DMD: variants seen among roughly 807,000 people sequenced by gnomAD.
DMD encodes mutant dystrophin.
Under a neutral mutation model 330.1 loss-of-function variants are expected in DMD, and 63 were observed. The observed-to-expected ratio is 0.19, with a 90% confidence interval of 0.16 to 0.24. DMD has a LOEUF of 0.24. DMD is among the 10% of genes least tolerant of loss of function. DMD has a pLI of 1.00. For synonymous variants in DMD, 1,223 were observed against 959.8 expected, an observed-to-expected ratio of 1.27 and a Z score of -5.07; for missense variants, 3,344 against 2,684.1, an observed-to-expected ratio of 1.25 and a Z score of -5.43.
intron 16 of DMD, among the ~76,000 whole-genome samples, chrX:32,563,417 C>T (rs2051298961): frequency 9.4e-6 from 1 of 106,325 alleles, no homozygotes; most frequent in South Asian, 4.4e-4. Flanking sequence ...ACATGACTTA[C>T]ATATCAAACT....
intron 15 of DMD, among the ~76,000 whole-genome samples, chrX:32,571,760 C>T (rs1196980016): frequency 1.8e-5 from 2 of 111,463 alleles, no homozygotes; most frequent in Non-Finnish European, 1.9e-5. Flanking sequence ...CCTGTTAGGG[C>T]TAATAACCCT....
intron 60 of DMD, among the ~76,000 whole-genome samples, chrX:31,407,889 C>T (rs2061475041): frequency 9.0e-6 from 1 of 111,441 alleles, no homozygotes; most frequent in South Asian, 3.7e-4. Flanking sequence ...CCTGTTCTCT[C>T]TCTTGACTTT....
At chrX:32,846,002 G>A (rs2080626677) in intron 3 of DMD, among the ~76,000 whole-genome samples, 1 of 111,660 alleles carries the variant, frequency 9.0e-6, no homozygotes, top group South Asian at 3.8e-4. Flanking sequence ...CTTGTCCAGG[G>A]CACTACTTAT....
intron 2 of DMD, among the ~76,000 whole-genome samples, chrX:32,988,529 G>T (rs1046622061): frequency 2.7e-5 from 3 of 112,252 alleles, no homozygotes; most frequent in African/African-American, 9.7e-5. Flanking sequence ...CAGGCTGTCA[G>T]GCCAGCCACA....
chrX:32,956,956 T>C (rs1291892890), intron 2 of DMD, among the ~76,000 whole-genome samples: 3 of 112,050 alleles, frequency 2.7e-5, no homozygotes, highest in Non-Finnish European at 5.6e-5. Flanking sequence ...TCCTTTCTTC[T>C]CATCATAATA....
intron 57 of DMD, among the ~76,000 whole-genome samples, chrX:31,494,027 C>T (rs2069576753): frequency 1.8e-5 from 2 of 108,834 alleles, no homozygotes; most frequent in South Asian, 8.2e-4. Flanking sequence ...CATGGTGGCG[C>T]GTGCCTGTAG....
At chrX:32,591,997 C>A (rs808553) in intron 13 of DMD, among the ~76,000 whole-genome samples, 1 of 111,410 alleles carries the variant, frequency 9.0e-6, no homozygotes, top group East Asian at 2.9e-4. Flanking sequence ...TGCTGCCTTG[C>A]GCCCGTCTGG....
At chrX:32,764,842 A>G (rs1299550771) in intron 7 of DMD, among the ~76,000 whole-genome samples, 4 of 111,056 alleles carry the variant, frequency 3.6e-5, no homozygotes, top group African/African-American at 9.8e-5. Flanking sequence ...TCTACGTTCT[A>G]TATTTTGAGA....
At chrX:32,673,879 C>A (rs2061792499) in intron 9 of DMD, among the ~76,000 whole-genome samples, 1 of 111,764 alleles carries the variant, frequency 8.9e-6, no homozygotes, top group Non-Finnish European at 1.9e-5. Context: ...GTTACTGGGT[C>A]ATGGAATTGA....
At chrX:33,177,554 T>G (rs1468690174) in intron 1 of DMD, among the ~76,000 whole-genome samples, 1 of 110,335 alleles carries the variant, frequency 9.1e-6, no homozygotes, top group African/African-American at 3.3e-5. Context: ...CCGACTAATT[T>G]TTTGTATTTT....
At chrX:33,102,324 T>G (rs1035498776) in intron 1 of DMD, among the ~76,000 whole-genome samples, 3 of 109,880 alleles carry the variant, frequency 2.7e-5, no homozygotes, top group African/African-American at 6.6e-5. Flanking sequence ...TTGTTTTTTT[T>G]TTTTTTTAAG....
At chrX:32,301,070 G>A in intron 42 of DMD, among the ~76,000 whole-genome samples, 1 of 109,495 alleles carries the variant, frequency 9.1e-6, no homozygotes, top group Non-Finnish European at 1.9e-5. Flanking sequence ...TGGTAAAACA[G>A]AAAACATATT....
chrX:32,374,375 C>A (rs1238254560), intron 34 of DMD, among the ~76,000 whole-genome samples: 6 of 111,294 alleles, frequency 5.4e-5, no homozygotes, highest in Non-Finnish European at 9.4e-5. Flanking sequence ...AAATTCTTTG[C>A]CTAAGCCAGT....
intron 44 of DMD, among the ~76,000 whole-genome samples, chrX:32,149,513 T>C (rs1468211644): frequency 8.9e-6 from 1 of 111,751 alleles, no homozygotes; most frequent in Non-Finnish European, 1.9e-5. Flanking sequence ...ATTTCAGGTG[T>C]ACAGATATAA....
chrX:31,647,510 A>G (rs1392504549), intron 54 of DMD, among the ~76,000 whole-genome samples: 1 of 111,983 alleles, frequency 8.9e-6, no homozygotes, highest in East Asian at 2.8e-4. Flanking sequence ...TTATTCATCT[A>G]ATTTGTCCCA....
At chrX:32,182,178 C>T (rs2096929362) in intron 44 of DMD, among the ~76,000 whole-genome samples, 1 of 111,693 alleles carries the variant, frequency 9.0e-6, no homozygotes, top group African/African-American at 3.2e-5. Context: ...TTTTCTTCCA[C>T]TGTCAGAGAG....
intron 2 of DMD, among the ~76,000 whole-genome samples, chrX:32,857,170 G>A (rs2081641597): frequency 8.9e-6 from 1 of 111,869 alleles, no homozygotes; most frequent in Admixed American, 9.5e-5. Context: ...ATATGATTAT[G>A]CTTCGCATGC....
At chrX:31,296,180 T>A (rs1280402399) in intron 62 of DMD, among the ~76,000 whole-genome samples, 2 of 111,074 alleles carry the variant, frequency 1.8e-5, no homozygotes, top group East Asian at 5.6e-4. Context: ...AGAGAGTAGA[T>A]TCTTGTTGAT....
intron 60 of DMD, among the ~76,000 whole-genome samples, chrX:31,422,041 A>T (rs866757199): frequency 0.18 from 1,997 of 10,821 alleles, 79 homozygotes; most frequent in East Asian, 0.47. Context: ...ATATATATAT[A>T]TATTTTTTTT....
Sources: allele counts gnomAD v4.1 joint callset (sites outside exome capture counted in the v4.1 genomes callset), GRCh38; gene constraint gnomAD v4.1.1; transcripts MANE v1.5; gene names NCBI Gene and HGNC (gene_info 2026-07-23, HGNC 2026-07-21).